ANXA4: variants seen among roughly 807,000 people sequenced by gnomAD.
ANXA4 encodes annexin A4, also known as 35-beta calcimedin.
A neutral mutation model predicts 49.8 loss-of-function variants in ANXA4; 39 were observed. The observed-to-expected ratio is 0.78, with a 90% CI of 0.61 to 1.02. ANXA4 has a LOEUF of 1.02. ANXA4 is among the 50% of genes least tolerant of loss of function. ANXA4 has a pLI of 0.00. For synonymous variants in ANXA4, 134 were observed against 152.5 expected (o/e 0.88, Z 0.89); for missense variants, 360 against 410.1 (o/e 0.88, Z 1.05).
At chr2:69,757,241 TATATATA>T (rs1671076317) in intron 1 of ANXA4, among the ~76,000 whole-genome samples, 3 of 57,050 alleles carry the variant, frequency 5.3e-5, no homozygotes, top group African/African-American at 7.7e-5. Context: ...TTTTGTTTTA[TATATATA>T]TATATATATA....
intron 2 of ANXA4, among the ~76,000 whole-genome samples, chr2:69,687,388 G>A (rs1027084271): frequency 6.6e-6 from 1 of 152,014 alleles, no homozygotes; most frequent in African/African-American, 2.4e-5. Flanking sequence ...CACACCTGTG[G>A]TCCCAGCTAG....
At chr2:69,688,233 T>G (rs2105368429) in intron 2 of ANXA4, among the ~76,000 whole-genome samples, 1 of 152,370 alleles carries the variant, frequency 6.6e-6, no homozygotes, top group Non-Finnish European at 1.5e-5. Flanking sequence ...TATGGCATAT[T>G]TAACAAGTTT....
intron 1 of ANXA4, among the ~76,000 whole-genome samples, chr2:69,761,575 A>G (rs1049971658): frequency 1.3e-5 from 2 of 152,146 alleles, no homozygotes; most frequent in African/African-American, 4.8e-5. Flanking sequence ...GCCAGCCGTG[A>G]TGCTTCTGCT....
chr2:69,792,116 G>C (rs560249641), intron 3 of ANXA4, among the ~76,000 whole-genome samples: 1 of 152,224 alleles, frequency 6.6e-6, no homozygotes, highest in East Asian at 1.9e-4. Flanking sequence ...AAAAGCCAGG[G>C]GTTAGGAAAG....
chr2:69,668,598 A>G (rs1181817134), intron 2 of ANXA4, among the ~76,000 whole-genome samples: 1 of 152,202 alleles, frequency 6.6e-6, no homozygotes, highest in Non-Finnish European at 1.5e-5. Context: ...AGACACATAC[A>G]TGTATGTGTA....
At chr2:69,759,034 G>A (rs1028691463) in intron 1 of ANXA4, among the ~76,000 whole-genome samples, 3 of 151,892 alleles carry the variant, frequency 2.0e-5, no homozygotes, top group Non-Finnish European at 4.4e-5. Context: ...TACTCAGGAG[G>A]CTGGGGCAAG....
chr2:69,782,259 TA>T (rs1186604819), intron 2 of ANXA4, among the ~76,000 whole-genome samples: 52 of 152,300 alleles, frequency 3.4e-4, no homozygotes, highest in African/African-American at 1.3e-3. Context: ...GTAGAAATCT[TA>T]TACCTAGAGA....
chr2:69,721,709 AT>A (rs1669816100), intron 3 of ANXA4, among the ~76,000 whole-genome samples: 2 of 152,046 alleles, frequency 1.3e-5, no homozygotes, highest in Non-Finnish European at 2.9e-5. Flanking sequence ...AAAAAAAAAA[AT>A]TACTCTGGAT....
intron 10 of ANXA4, 127 bp downstream of exon 10, chr2:69,818,821 C>T: frequency 1.6e-6 from 1 of 607,368 alleles, no homozygotes; most frequent in Non-Finnish European, 2.9e-6. Context: ...ACTCATGTTA[C>T]ATTCCAGATT....
At chr2:69,811,005 T>C (rs915692786) in intron 7 of ANXA4, 1 of 214,964 alleles carries the variant, frequency 4.7e-6, no homozygotes, top group African/African-American at 2.3e-5. Flanking sequence ...AGGTACACAG[T>C]TGCTAGAAGG....
chr2:69,748,401 A>AG (rs914477275), intron 1 of ANXA4, among the ~76,000 whole-genome samples: 1 of 151,622 alleles, frequency 6.6e-6, no homozygotes, highest in African/African-American at 2.4e-5. Flanking sequence ...AAAAAAAAAA[A>AG]TGAGAGAAAA....
chr2:69,660,773 A>AGG (rs1005752517), intron 2 of ANXA4, among the ~76,000 whole-genome samples: 2 of 150,580 alleles, frequency 1.3e-5, no homozygotes, highest in African/African-American at 4.9e-5. Flanking sequence ...GAAGGGAGGG[A>AGG]GGGAGAGAGA....
intron 1 of ANXA4, among the ~76,000 whole-genome samples, chr2:69,743,120 C>G (rs1436181820): frequency 6.6e-6 from 1 of 152,108 alleles, no homozygotes; most frequent in Non-Finnish European, 1.5e-5. Flanking sequence ...TTTCACCCAC[C>G]TCAACCTCCT....
upstream of ANXA4, among the ~76,000 whole-genome samples, chr2:69,740,405 A>T (rs549092196): frequency 6.6e-6 from 1 of 151,440 alleles, no homozygotes; most frequent in South Asian, 2.1e-4. Flanking sequence ...TCTGTATTTC[A>T]TTTTTTTTCC....
intron 2 of ANXA4, among the ~76,000 whole-genome samples, chr2:69,702,876 ATCAG>A (rs1473752472): frequency 5.3e-5 from 8 of 152,238 alleles, no homozygotes; most frequent in Non-Finnish European, 1.2e-4. Context: ...CTAAGCAAAC[ATCAG>A]TCATTTTCTA....
At chr2:69,760,276 T>G (rs2105521625) in intron 1 of ANXA4, among the ~76,000 whole-genome samples, 1 of 152,348 alleles carries the variant, frequency 6.6e-6, no homozygotes. Context: ...AAAAGAGTGA[T>G]ATTTAAATAT....
At chr2:69,756,934 A>ATTTT (rs201747072) in intron 1 of ANXA4, among the ~76,000 whole-genome samples, 16 of 135,382 alleles carry the variant, frequency 1.2e-4, no homozygotes, top group Admixed American at 1.4e-4. Context: ...ATTAATTATT[A>ATTTT]TTTTTTTTTT....
intron 1 of ANXA4, among the ~76,000 whole-genome samples, chr2:69,761,377 T>G (rs1176217584): frequency 3.3e-5 from 5 of 152,186 alleles, no homozygotes; most frequent in Non-Finnish European, 7.4e-5. Flanking sequence ...CTTCAAAAAT[T>G]TTTCCAATAA....
At chr2:69,687,583 G>A (rs1340440439) in intron 2 of ANXA4, among the ~76,000 whole-genome samples, 1 of 152,106 alleles carries the variant, frequency 6.6e-6, no homozygotes, top group Non-Finnish European at 1.5e-5. Flanking sequence ...ATCTAAAGAG[G>A]AATGGGCTGA....
Sources: gnomAD v4.1 joint callset for allele counts (sites outside exome capture counted in the v4.1 genomes callset) on GRCh38, gnomAD v4.1.1 for gene constraint, MANE v1.5 for transcripts, NCBI Gene and HGNC (gene_info 2026-07-23, HGNC 2026-07-21) for gene names.